SLC4A10: variants seen among roughly 807,000 people sequenced by gnomAD.
The protein encoded by SLC4A10 is sodium-driven chloride bicarbonate exchanger.
A neutral mutation model predicts 137.7 loss-of-function variants in SLC4A10; 42 were observed. The ratio of observed to expected loss-of-function variants is 0.30; its 90% CI spans 0.24 to 0.39. The LOEUF (loss-of-function observed/expected upper bound fraction) is 0.39. Among genes scored for constraint, SLC4A10 ranks in the 10% least tolerant of loss-of-function variants. The pLI, the probability that SLC4A10 is intolerant of heterozygous loss-of-function variation, is 1.00. For synonymous variants in SLC4A10, 474 were observed against 464.1 expected (o/e 1.02, Z -0.27); for missense variants, 925 against 1,355.0 (o/e 0.68, Z 4.98).
rs541336597 is a variant in SLC4A10, at chr2:161,799,910, A to G, written c.131-4539A>G. On this transcript the variant is annotated intron_variant, in intron 2 of 26. Transcript: ENST00000446997. ...ATAGGAATTACTATATAAACTCTTTATATAGTAAATGGTCTTCTCCTGTCT... is the reference window on the plus strand; with the variant it reads ...ATAGGAATTACTATATAAACTCTTTGTATAGTAAATGGTCTTCTCCTGTCT... Among the ~76,000 whole-genome samples, 14 of 152,106 alleles carry G rather than the reference A, an allele frequency of 9.2e-5. No homozygotes were observed. The South Asian group carries it at 1.9e-3, about 20-fold the overall frequency.
At chr2:161,689,282 C>G (rs2041748293) in intron 1 of SLC4A10, among the ~76,000 whole-genome samples, 1 of 152,138 alleles carries the variant, frequency 6.6e-6, no homozygotes. Flanking sequence ...ATTCACTCAC[C>G]ACTCGCTGAC....
At chr2:161,689,326 G>A (rs558452406) in intron 1 of SLC4A10, among the ~76,000 whole-genome samples, 49 of 152,154 alleles carry the variant, frequency 3.2e-4, no homozygotes, top group African/African-American at 1.2e-3. Flanking sequence ...TGCAAGCTCC[G>A]TTCACAGCAA....
chr2:161,859,296 CT>C (rs1553597581), intron 5 of SLC4A10, among the ~76,000 whole-genome samples: 176 of 142,612 alleles, frequency 1.2e-3, no homozygotes, highest in African/African-American at 1.4e-3. Flanking sequence ...CTTTTCTTTT[CT>C]TTTTTTTTTT....
intron 15 of SLC4A10, among the ~76,000 whole-genome samples, chr2:161,907,055 CAAAAAAAAAA>C (rs556899761): frequency 1.1e-5 from 1 of 90,886 alleles, no homozygotes; most frequent in Non-Finnish European, 2.4e-5. Context: ...GACTCCGTCT[CAAAAAAAAAA>C]AAAAAAAAAA....
chr2:161,658,689 G>C (rs1039116799), intron 1 of SLC4A10, among the ~76,000 whole-genome samples: 1 of 150,952 alleles, frequency 6.6e-6, no homozygotes, highest in Non-Finnish European at 1.5e-5. Context: ...TGCCCCCTGG[G>C]CTCAAGCAAT....
intron 1 of SLC4A10, among the ~76,000 whole-genome samples, chr2:161,654,054 GT>G (rs1182503265): frequency 6.6e-6 from 1 of 151,994 alleles, no homozygotes; most frequent in Admixed American, 6.6e-5. Flanking sequence ...GTTATCTTTT[GT>G]TTTTTTGAAA....
At position 161,771,278 on chromosome 2, in the gene SLC4A10, C is replaced by A. The variant is rs566583481; in HGVS notation, c.130+224C>A. 4.6e-5 allele frequency among the ~76,000 whole-genome samples: 7 copies of A among 151,898 alleles called. No individual in the cohort carries two copies. In the South Asian group the frequency reaches 1.5e-3, roughly 32 times the overall value. ...TTCATCCAACAGACATTTATTGAAT[C>A]CCTACTGTATTCCAAGCACTGTACT... On this transcript the variant is annotated intron_variant, in intron 2 of 26. Transcript: ENST00000446997.
chr2:161,969,830 A>C (rs1361211003), intron 23 of SLC4A10, among the ~76,000 whole-genome samples: 1 of 152,250 alleles, frequency 6.6e-6, no homozygotes, highest in Admixed American at 6.5e-5. Flanking sequence ...CTTACTGCTA[A>C]GATAGGTCAG....
intron 3 of SLC4A10, among the ~76,000 whole-genome samples, chr2:161,805,287 C>G (rs957942402): frequency 2.6e-5 from 4 of 152,164 alleles, no homozygotes; most frequent in Admixed American, 2.6e-4. Flanking sequence ...ATGGAAAATT[C>G]AAGATGAGAT....
chr2:161,807,262 C>A (rs145422876), intron 3 of SLC4A10, among the ~76,000 whole-genome samples: 2 of 152,100 alleles, frequency 1.3e-5, no homozygotes, highest in African/African-American at 2.4e-5. Flanking sequence ...CAAATGTGAA[C>A]CTTTTACTAT....
intron 1 of SLC4A10, among the ~76,000 whole-genome samples, chr2:161,658,771 G>C (rs972906093): frequency 2.6e-4 from 39 of 151,506 alleles, no homozygotes; most frequent in African/African-American, 9.4e-4. Flanking sequence ...TTGGATTTTT[G>C]GTAGAGATGG....
At chr2:161,782,163 G>T in intron 2 of SLC4A10, among the ~76,000 whole-genome samples, 1 of 152,048 alleles carries the variant, frequency 6.6e-6, no homozygotes, top group Non-Finnish European at 1.5e-5. Context: ...CCCTGGGGAT[G>T]GAAAGAGTTG....
intron 1 of SLC4A10, among the ~76,000 whole-genome samples, chr2:161,632,315 A>C (rs2033694328): frequency 6.6e-6 from 1 of 151,338 alleles, no homozygotes; most frequent in Admixed American, 6.6e-5. Flanking sequence ...TTTTTCACAA[A>C]GTGGTGAATT....
chr2:161,895,516 T>C (rs950478985), intron 11 of SLC4A10, among the ~76,000 whole-genome samples: 2 of 152,176 alleles, frequency 1.3e-5, no homozygotes, highest in Admixed American at 1.3e-4. Context: ...TGAACTAGTT[T>C]ACAGTCCCAC....
At chr2:161,896,504 G>A (rs890336441) in intron 11 of SLC4A10, among the ~76,000 whole-genome samples, 7 of 152,034 alleles carry the variant, frequency 4.6e-5, no homozygotes, top group African/African-American at 1.4e-4. Flanking sequence ...ATTACCTTGG[G>A]CAGTATGGCC....
At position 161,983,985 on chromosome 2, in the gene SLC4A10, CTAAGTT is replaced by C. The variant is rs1368911119; in HGVS notation, c.*835_*840del. On this transcript the variant is annotated 3_prime_UTR_variant, in exon 27 of 27. Coordinates refer to ENST00000446997, the MANE Select transcript of SLC4A10 (RefSeq NM_001178015.2). ...AATATAAACCTTTATCAGAAATATA[CTAAGTT>C]TGTCTCCCACTGACAACAGATGTTT... 1 of 152,140 alleles carries C rather than the reference CTAAGTT, an allele frequency of 6.6e-6. No homozygotes were observed. The highest frequency in any genetic ancestry group is 6.5e-5 in the Admixed American group (1 of 15,276). The allele number at this position is 152,140 out of a possible 1,614,324, so 9.4% of individuals were successfully genotyped here.
In SLC4A10 at chr2:161,772,873, T is replaced by C. The variant is rs79755664; in HGVS notation, c.130+1819T>C. 9.0e-3 allele frequency among the ~76,000 whole-genome samples: 1,361 copies of C among 151,996 alleles called. 80 individuals are homozygous for C. In the East Asian group the frequency reaches 0.15, roughly 17 times the overall value. ...GATGCATGCAAAAATTTAATAGATC[T>C]ACTAGTTGTTCTGGATCCATTAGCC... On this transcript the variant is annotated intron_variant, in intron 2 of 26. Transcript: ENST00000446997.
At chr2:161,976,957 G>T in intron 25 of SLC4A10, 81 bp downstream of exon 25, 1 of 685,168 alleles carries the variant, frequency 1.5e-6, no homozygotes. Flanking sequence ...AATAATATTA[G>T]TTTCCATCAA....
intron 10 of SLC4A10, 110 bp downstream of exon 10, chr2:161,882,554 A>G (rs2061881528): frequency 1.8e-6 from 1 of 566,666 alleles, no homozygotes; most frequent in African/African-American, 2.0e-5. Context: ...TCTGTATTGA[A>G]TCCCATTCTC....
Sources: gnomAD v4.1 joint callset for allele counts (sites outside exome capture counted in the v4.1 genomes callset) on GRCh38, gnomAD v4.1.1 for gene constraint, MANE v1.5 for transcripts, NCBI Gene and HGNC (gene_info 2026-07-23, HGNC 2026-07-21) for gene names.